The following HSPA4L variants were observed in gnomAD, a reference collection of about 807,000 sequenced individuals.
HSPA4L encodes the protein heat shock protein family A (Hsp70) member 4 like, also known as heat shock 70 kDa protein 4L.
A neutral mutation model predicts 100.3 loss-of-function variants in HSPA4L; 48 were observed. The observed-to-expected ratio is 0.48, with a 90% CI of 0.38 to 0.61. The LOEUF is 0.61. Ranked by LOEUF, HSPA4L falls within the 20% of genes least tolerant of loss-of-function variation. The pLI, the probability that HSPA4L is intolerant of heterozygous loss-of-function variation, is 0.00. For missense variants in HSPA4L, 886 were observed against 988.6 expected (o/e 0.90, Z 1.39); for synonymous variants, 319 against 328.2 (o/e 0.97, Z 0.30).
chr4:127,811,783 G>A, intron 12 of HSPA4L, 147 bp downstream of exon 12: 1 of 618,694 alleles, frequency 1.6e-6, no homozygotes, highest in South Asian at 2.1e-5. Flanking sequence ...AAAGTCTTTT[G>A]ATAAAAGCAT....
chr4:127,831,141 A>G (rs1050074664), intron 18 of HSPA4L, among the ~76,000 whole-genome samples: 2 of 152,168 alleles, frequency 1.3e-5, no homozygotes, highest in Non-Finnish European at 2.9e-5. Flanking sequence ...CCTAGTTTGA[A>G]GCGTATAAAC....
chr4:127,809,434 G>C, intron 11 of HSPA4L: 1 of 1,238,136 alleles, frequency 8.1e-7, no homozygotes. Context: ...TCTGCATTTG[G>C]GAACCTGATT....
intron 14 of HSPA4L, among the ~76,000 whole-genome samples, chr4:127,820,917 C>T (rs1355710457): frequency 2.0e-5 from 3 of 152,070 alleles, no homozygotes; most frequent in East Asian, 1.9e-4. Flanking sequence ...AAGATTATAT[C>T]TCTGTTCAAA....
chr4:127,798,880 A>G (rs970545719), intron 4 of HSPA4L, among the ~76,000 whole-genome samples, 171 bp downstream of exon 4: 2 of 152,210 alleles, frequency 1.3e-5, no homozygotes, highest in African/African-American at 4.8e-5. Context: ...TTTAGGATTG[A>G]ATTTCCCATA....
chr4:127,832,924 G>C lies in HSPA4L; in HGVS notation c.*50G>C. The C allele has an allele frequency of 7.3e-7, 1 of 1,378,120 alleles. No individual in the cohort carries two copies. The highest frequency in any genetic ancestry group is 9.9e-7 in the Non-Finnish European group (1 of 1,008,180). The allele number at this position is 1,378,120 out of a possible 1,614,324, so 85.4% of individuals were successfully genotyped here. ...TTCAAACCGTGCAAGTAACCACGGG[G>C]TCCATCTTTTACATCTGGTACACAC... On this transcript the variant is annotated 3_prime_UTR_variant, in exon 19 of 19. Coordinates refer to ENST00000296464, the MANE Select transcript of HSPA4L (RefSeq NM_014278.4).
intron 1 of HSPA4L, among the ~76,000 whole-genome samples, chr4:127,785,058 G>A (rs942506858): frequency 6.6e-6 from 1 of 152,176 alleles, no homozygotes; most frequent in Non-Finnish European, 1.5e-5. Context: ...TTATGGTTGA[G>A]AGGATTCCAT....
At chr4:127,793,542 TGTG>T (rs1378814333) in intron 1 of HSPA4L, among the ~76,000 whole-genome samples, 2 of 152,238 alleles carry the variant, frequency 1.3e-5, no homozygotes, top group African/African-American at 2.4e-5. Flanking sequence ...TACATTTAAA[TGTG>T]GTAATTAAAA....
chr4:127,803,619 A>C lies in HSPA4L; in HGVS notation c.664-10A>C. On this transcript the variant is annotated splice_polypyrimidine_tract_variant and intron_variant, in intron 6 of 18. Coordinates refer to ENST00000296464, the MANE Select transcript of HSPA4L (RefSeq NM_014278.4). ...TCTGAAAATACAGTTCTGCTTTTTC[A>C]ATTAAACAGGTCTTGGCTACTACCT... 6.4e-7 allele frequency: 1 copy of C among 1,562,524 alleles called. No individual in the cohort carries two copies. The highest frequency in any genetic ancestry group is 8.6e-7 in the Non-Finnish European group (1 of 1,157,618).
intron 10 of HSPA4L, among the ~76,000 whole-genome samples, chr4:127,807,348 G>T (rs1009440812): frequency 6.6e-6 from 1 of 151,928 alleles, no homozygotes; most frequent in Non-Finnish European, 1.5e-5. Flanking sequence ...GGACATTGTT[G>T]TATCAACTGA....
At chr4:127,811,856 T>C (rs1733540871) in intron 12 of HSPA4L, among the ~76,000 whole-genome samples, 2 of 152,204 alleles carry the variant, frequency 1.3e-5, no homozygotes, top group Admixed American at 6.5e-5. Context: ...TTTTAAGAGT[T>C]TGGTGCATCT....
intron 1 of HSPA4L, among the ~76,000 whole-genome samples, chr4:127,783,364 G>C (rs936243206): frequency 1.3e-5 from 2 of 152,080 alleles, no homozygotes; most frequent in Non-Finnish European, 2.9e-5. Context: ...GCTGGAATGC[G>C]GCGGGGTTGG....
At chr4:127,831,179 A>C (rs779069194) in intron 18 of HSPA4L, among the ~76,000 whole-genome samples, 1 of 152,122 alleles carries the variant, frequency 6.6e-6, no homozygotes, top group African/African-American at 2.4e-5. Flanking sequence ...ATTCCGAGAT[A>C]AACTTTTCAA....
chr4:127,809,019 T>C (rs1224788064), intron 11 of HSPA4L, among the ~76,000 whole-genome samples: 1 of 152,192 alleles, frequency 6.6e-6, no homozygotes, highest in Non-Finnish European at 1.5e-5. Flanking sequence ...TTAAACTTAA[T>C]GTTTACTGGC....
At chr4:127,816,950 A>C (rs904861881) in intron 12 of HSPA4L, among the ~76,000 whole-genome samples, 1 of 152,220 alleles carries the variant, frequency 6.6e-6, no homozygotes, top group African/African-American at 2.4e-5. Flanking sequence ...TTTCTGAGTA[A>C]TACAAAAATT....
chr4:127,801,564 GTCT>G (rs1278648514), intron 5 of HSPA4L, among the ~76,000 whole-genome samples: 6 of 151,546 alleles, frequency 4.0e-5, no homozygotes, highest in African/African-American at 1.5e-4. Context: ...GGTTAAATAT[GTCT>G]TAATGGCTTT....
chr4:127,827,523 T>C, intron 17 of HSPA4L, 99 bp downstream of exon 17: 1 of 1,329,766 alleles, frequency 7.5e-7, no homozygotes, highest in Non-Finnish European at 1.0e-6. Context: ...ATAGCAGTTG[T>C]ATCTATCAAA....
At chr4:127,803,545 A>AT in intron 6 of HSPA4L, 84 bp from the exon 7 acceptor site, 3 of 1,338,178 alleles carry the variant, frequency 2.2e-6, no homozygotes, top group Non-Finnish European at 3.0e-6. Flanking sequence ...TTATTTTTAC[A>AT]TTTTTTTATT....
chr4:127,799,769 T>C (rs755666034), intron 4 of HSPA4L, among the ~76,000 whole-genome samples: 2 of 152,222 alleles, frequency 1.3e-5, no homozygotes, highest in African/African-American at 2.4e-5. Context: ...TTGTAAGCTC[T>C]ACAGGGACAA....
In HSPA4L at chr4:127,838,282, A is replaced by C. The variant is rs541651928; in HGVS notation, c.*5408A>C. On this transcript the variant is annotated 3_prime_UTR_variant, in exon 19 of 19. Transcript: ENST00000296464. The stretch of plus-strand genomic sequence containing the variant: ...ACTTAGAAGAAAAGAAGAAACCTAA[A>C]TGTCTGTGGAAGTGATCAGTATTAA... The C allele has an allele frequency of 1.3e-5, 2 of 152,314 alleles. No homozygotes were observed. The highest frequency in any genetic ancestry group is 2.9e-5 in the Non-Finnish European group (2 of 68,028). 9.4% of individuals were successfully genotyped at this position (152,314 alleles called of 1,614,324 possible).
Sources: gnomAD v4.1 joint callset for allele counts (sites outside exome capture counted in the v4.1 genomes callset) on GRCh38, gnomAD v4.1.1 for gene constraint, MANE v1.5 for transcripts, NCBI Gene and HGNC (gene_info 2026-07-23, HGNC 2026-07-21) for gene names.